CTTNBP2: variants seen among roughly 807,000 people sequenced by gnomAD.
The protein encoded by CTTNBP2 is cortactin-binding protein 2.
A neutral mutation model predicts 156.9 loss-of-function variants in CTTNBP2; 108 were observed. That is an observed-to-expected ratio of 0.69 (90% CI 0.59 to 0.81). CTTNBP2 has a LOEUF of 0.81. CTTNBP2 is among the 30% of genes least tolerant of loss of function. The pLI, the probability that CTTNBP2 is intolerant of heterozygous loss-of-function variation, is 0.00. For missense variants in CTTNBP2, 1,924 were observed against 2,035.4 expected (o/e 0.95, Z 1.05); for synonymous variants, 767 against 751.8 (o/e 1.02, Z -0.33).
intron 2 of CTTNBP2, among the ~76,000 whole-genome samples, chr7:117,842,973 T>C (rs1054285316): frequency 6.6e-6 from 1 of 152,156 alleles, no homozygotes; most frequent in African/African-American, 2.4e-5. Context: ...AGATATAGTA[T>C]AGTCAGCCCT....
intron 3 of CTTNBP2, among the ~76,000 whole-genome samples, chr7:117,804,951 T>C (rs1322311938): frequency 6.6e-6 from 1 of 152,218 alleles, no homozygotes. Flanking sequence ...TTCTCCATGA[T>C]ATGTAGAAAA....
intron 2 of CTTNBP2, among the ~76,000 whole-genome samples, chr7:117,837,410 AC>A (rs1265976425): frequency 6.6e-6 from 1 of 152,016 alleles, no homozygotes; most frequent in Non-Finnish European, 1.5e-5. Context: ...CTCTCAGTAT[AC>A]CCCTGCTACC....
At chr7:117,819,392 C>G (rs1190336253) in intron 2 of CTTNBP2, among the ~76,000 whole-genome samples, 1 of 151,552 alleles carries the variant, frequency 6.6e-6, no homozygotes, top group Non-Finnish European at 1.5e-5. Context: ...CACACACACA[C>G]ACACACACAC....
At chr7:117,782,833 T>C (rs373838229) in intron 6 of CTTNBP2, 29 bp downstream of exon 6, 71 of 1,534,416 alleles carry the variant, frequency 4.6e-5, no homozygotes, top group Non-Finnish European at 6.2e-5. Flanking sequence ...CCTTTGATGG[T>C]GGGAAAAAAA....
At chr7:117,716,863 G>A (rs780959552) in intron 22 of CTTNBP2, among the ~76,000 whole-genome samples, 1 of 152,138 alleles carries the variant, frequency 6.6e-6, no homozygotes. Flanking sequence ...AGGGAGCGGG[G>A]CTGTGGGGCC....
At chr7:117,866,430 G>A (rs1289064190) in intron 1 of CTTNBP2, among the ~76,000 whole-genome samples, 2 of 152,150 alleles carry the variant, frequency 1.3e-5, no homozygotes, top group Non-Finnish European at 1.5e-5. Context: ...CAGGGCTGCT[G>A]GGGGATATGT....
intron 2 of CTTNBP2, among the ~76,000 whole-genome samples, chr7:117,818,290 A>T (rs4639452): frequency 0.59 from 89,246 of 151,964 alleles, 26,207 homozygotes; most frequent in East Asian, 0.71. Flanking sequence ...TAATAAAAAA[A>T]AACCAAAAAC....
At chr7:117,837,761 T>C (rs561837997) in intron 2 of CTTNBP2, among the ~76,000 whole-genome samples, 18 of 152,298 alleles carry the variant, frequency 1.2e-4, no homozygotes, top group African/African-American at 4.1e-4. Context: ...TTTCCACTTG[T>C]GGCATCATGT....
intron 2 of CTTNBP2, among the ~76,000 whole-genome samples, chr7:117,855,911 A>G (rs1257349753): frequency 6.6e-6 from 1 of 152,238 alleles, no homozygotes; most frequent in Non-Finnish European, 1.5e-5. Context: ...CTTCACTTAC[A>G]TGTACTTCAA....
chr7:117,747,870 A>G (rs925979141), intron 12 of CTTNBP2, among the ~76,000 whole-genome samples: 5 of 152,212 alleles, frequency 3.3e-5, no homozygotes, highest in Non-Finnish European at 1.5e-5. Context: ...AGGCATGACC[A>G]CCAGGATTCA....
intron 1 of CTTNBP2, among the ~76,000 whole-genome samples, chr7:117,864,712 ATAT>A (rs1464236115): frequency 6.3e-5 from 9 of 142,864 alleles, no homozygotes; most frequent in Non-Finnish European, 1.1e-4. Flanking sequence ...ATATTCATAT[ATAT>A]TCATATATAC....
intron 2 of CTTNBP2, among the ~76,000 whole-genome samples, chr7:117,857,393 A>T (rs753549098): frequency 2.6e-5 from 4 of 152,178 alleles, no homozygotes; most frequent in Non-Finnish European, 5.9e-5. Flanking sequence ...GCAATCTCTT[A>T]ACATCCTCCC....
intron 7 of CTTNBP2, among the ~76,000 whole-genome samples, chr7:117,779,064 T>C (rs1376090099): frequency 4.6e-5 from 7 of 152,144 alleles, no homozygotes; most frequent in Admixed American, 2.0e-4. Flanking sequence ...ACCAATAAAA[T>C]CCACTTGGCT....
At chr7:117,856,491 T>G (rs1420434291) in intron 2 of CTTNBP2, among the ~76,000 whole-genome samples, 1 of 152,242 alleles carries the variant, frequency 6.6e-6, no homozygotes, top group Non-Finnish European at 1.5e-5. Flanking sequence ...TACAGCCACT[T>G]GTACAAGGCA....
At chr7:117,736,166 T>C (rs1795675682) in intron 14 of CTTNBP2, among the ~76,000 whole-genome samples, 1 of 152,190 alleles carries the variant, frequency 6.6e-6, no homozygotes, top group Non-Finnish European at 1.5e-5. Context: ...TAAGATTATG[T>C]AGACAGGGCC....
chr7:117,873,007 G>A lies in CTTNBP2; in HGVS notation c.81+328C>T, dbSNP rs557768751. ...GAAACACGTCCCAGCCTTCTCCCCC[G>A]GCCAGAAGCGACCGCAGCGGAGGGA... On this transcript the variant is annotated intron_variant, in intron 1 of 22. Coordinates refer to ENST00000160373, the MANE Select transcript of CTTNBP2 (RefSeq NM_033427.3). 2.4e-4 allele frequency among the ~76,000 whole-genome samples: 37 copies of A among 152,272 alleles called. No individual in the cohort carries two copies. The South Asian group carries it at 6.2e-3, about 26-fold the overall frequency.
intron 2 of CTTNBP2, among the ~76,000 whole-genome samples, chr7:117,844,846 CTCTT>C (rs1802491881): frequency 6.6e-6 from 1 of 152,098 alleles, no homozygotes; most frequent in Admixed American, 6.5e-5. Flanking sequence ...AGTCCAGAAG[CTCTT>C]TCTGATTGCT....
chr7:117,796,213 C>T (rs1799305929), intron 3 of CTTNBP2, among the ~76,000 whole-genome samples: 1 of 152,200 alleles, frequency 6.6e-6, no homozygotes, highest in Non-Finnish European at 1.5e-5. Flanking sequence ...TCTCTCCCGT[C>T]ACCTCTGGGA....
At chr7:117,810,246 C>T (rs1050758477) in intron 3 of CTTNBP2, among the ~76,000 whole-genome samples, 1 of 152,184 alleles carries the variant, frequency 6.6e-6, no homozygotes, top group African/African-American at 2.4e-5. Context: ...TAAGATGACA[C>T]ATTGTGAGAC....
Sources: allele counts gnomAD v4.1 joint callset (sites outside exome capture counted in the v4.1 genomes callset), GRCh38; gene constraint gnomAD v4.1.1; transcripts MANE v1.5; gene names NCBI Gene and HGNC (gene_info 2026-07-23, HGNC 2026-07-21).